The following ABCG1 variants were observed in gnomAD, a reference collection of about 807,000 sequenced individuals.
ABCG1 encodes ATP binding cassette subfamily G member 1.
Under a neutral mutation model 69.2 loss-of-function variants are expected in ABCG1, and 29 were observed. That is an observed-to-expected ratio of 0.42 (90% CI 0.31 to 0.57). The LOEUF is 0.57. Among genes scored for constraint, ABCG1 ranks in the 20% least tolerant of loss-of-function variants. The pLI is 0.15. For synonymous variants in ABCG1, 370 were observed against 374.8 expected (o/e 0.99, Z 0.15); for missense variants, 718 against 898.1 (o/e 0.80, Z 2.56).
chr21:42,201,522 C>G (rs116843238), intron 1 of ABCG1: 5 of 1,244,032 alleles, frequency 4.0e-6, no homozygotes, highest in Non-Finnish European at 5.5e-6. Context: ...GGTGAGCTAC[C>G]CTGAGTTAAT....
chr21:42,235,184 G>A (rs1017161990), intron 2 of ABCG1, among the ~76,000 whole-genome samples: 4 of 152,222 alleles, frequency 2.6e-5, no homozygotes, highest in African/African-American at 9.6e-5. Flanking sequence ...GGACCTGAGG[G>A]TGGAGGTGTT....
At chr21:42,237,648 G>A (rs1484306348) in intron 2 of ABCG1, among the ~76,000 whole-genome samples, 1 of 152,222 alleles carries the variant, frequency 6.6e-6, no homozygotes, top group Non-Finnish European at 1.5e-5. Flanking sequence ...AATCACAGTA[G>A]AAGAGCCTAT....
intron 2 of ABCG1, among the ~76,000 whole-genome samples, chr21:42,264,246 T>G (rs1204333682): frequency 6.6e-6 from 1 of 152,226 alleles, no homozygotes; most frequent in Non-Finnish European, 1.5e-5. Flanking sequence ...TGTCTCTGAA[T>G]CTCTAATGTT....
chr21:42,232,669 C>T (rs563754998), intron 2 of ABCG1, among the ~76,000 whole-genome samples: 1 of 152,218 alleles, frequency 6.6e-6, no homozygotes, highest in African/African-American at 2.4e-5. Flanking sequence ...TGGTGGGTGC[C>T]CCCCTGCCTT....
At chr21:42,229,474 C>G (rs899785182) in intron 2 of ABCG1, among the ~76,000 whole-genome samples, 1 of 152,084 alleles carries the variant, frequency 6.6e-6, no homozygotes, top group African/African-American at 2.4e-5. Context: ...AATCCCAGCA[C>G]TTTGGGAGGC....
chr21:42,260,003 C>T, intron 2 of ABCG1: 1 of 1,484,372 alleles, frequency 6.7e-7, no homozygotes, highest in Non-Finnish European at 9.1e-7. Context: ...GTGCGGCATC[C>T]TGCACGTGGT....
upstream of ABCG1, among the ~76,000 whole-genome samples, chr21:42,218,277 A>G (rs1445439914): frequency 1.3e-5 from 2 of 152,194 alleles, no homozygotes; most frequent in Non-Finnish European, 2.9e-5. Context: ...TTAGGGCCTG[A>G]GACTGGGAGT....
intron 2 of ABCG1, among the ~76,000 whole-genome samples, chr21:42,269,247 C>T (rs1413741625): frequency 2.6e-5 from 4 of 152,170 alleles, no homozygotes; most frequent in Non-Finnish European, 4.4e-5. Context: ...TTGGGGATAT[C>T]GCGTGGGTCC....
chr21:42,253,675 C>A (rs1211265696), intron 2 of ABCG1, among the ~76,000 whole-genome samples: 1 of 152,058 alleles, frequency 6.6e-6, no homozygotes, highest in Admixed American at 6.5e-5. Flanking sequence ...CTGACGTCAC[C>A]GTGCCACTGT....
chr21:42,226,417 C>G (rs2123525701), intron 2 of ABCG1, among the ~76,000 whole-genome samples: 1 of 152,296 alleles, frequency 6.6e-6, no homozygotes, highest in East Asian at 1.9e-4. Context: ...AGAAAGAAAA[C>G]TAAACTGTTG....
chr21:42,264,407 A>G (rs1022837003), intron 2 of ABCG1, among the ~76,000 whole-genome samples: 5 of 152,012 alleles, frequency 3.3e-5, no homozygotes, highest in African/African-American at 1.2e-4. Flanking sequence ...CCATCCATCC[A>G]TCCTTCCATC....
At chr21:42,249,891 G>A (rs1805640839) in intron 2 of ABCG1, among the ~76,000 whole-genome samples, 1 of 151,992 alleles carries the variant, frequency 6.6e-6, no homozygotes, top group Admixed American at 6.6e-5. Context: ...TGTAGTCCCA[G>A]CTACTTGGGA....
Position 42,259,997 on chromosome 21 carries a change from G to A in ABCG1, c.287-11073G>A, listed in dbSNP as rs8131089. On this transcript the variant is annotated intron_variant, in intron 2 of 14. Transcript: ENST00000398449. ...CCTCCTGGTTTCTTCAGGCCAGTGC[G>A]GCATCCTGCACGTGGTCAGTCCAAG... 3.1e-3 allele frequency: 4,618 copies of A among 1,480,882 alleles called. 124 individuals are homozygous for A. The African/African-American group carries it at 0.056, about 18-fold the overall frequency. 91.7% of individuals were successfully genotyped at this position (1,480,882 alleles called of 1,614,324 possible). A position where few individuals can be genotyped will look rare whatever the true frequency, so the allele number is the denominator to read the frequency against.
chr21:42,209,618 C>G (rs1027884892), intron 2 of ABCG1, among the ~76,000 whole-genome samples: 3 of 152,168 alleles, frequency 2.0e-5, no homozygotes, highest in African/African-American at 7.2e-5. Flanking sequence ...ACTTCCTTGT[C>G]AAACTGATGA....
chr21:42,284,744 C>A, intron 7 of ABCG1, 61 bp downstream of exon 7: 1 of 1,569,826 alleles, frequency 6.4e-7, no homozygotes, highest in Non-Finnish European at 8.6e-7. Context: ...GCCTGAATGA[C>A]ACCAAACCCT....
chr21:42,285,240 G>C (rs1601446458), intron 7 of ABCG1, among the ~76,000 whole-genome samples: 1 of 152,194 alleles, frequency 6.6e-6, no homozygotes, highest in Non-Finnish European at 1.5e-5. Flanking sequence ...GCTGTCCCCT[G>C]TAATCCCAGC....
intron 5 of ABCG1, among the ~76,000 whole-genome samples, chr21:42,280,251 G>A (rs981386701): frequency 4.6e-5 from 7 of 152,334 alleles, no homozygotes; most frequent in East Asian, 1.9e-4. Flanking sequence ...TCCAACCCCC[G>A]ATGTGCACCT....
At chr21:42,292,186 GC>G (rs1010281240) in intron 13 of ABCG1, among the ~76,000 whole-genome samples, 4 of 152,088 alleles carry the variant, frequency 2.6e-5, no homozygotes, top group African/African-American at 9.7e-5. Flanking sequence ...CTCGGCCTCA[GC>G]CTGTCCTTCT....
upstream of ABCG1, among the ~76,000 whole-genome samples, chr21:42,212,326 G>C (rs1015936931): frequency 7.9e-5 from 12 of 152,120 alleles, no homozygotes; most frequent in Non-Finnish European, 1.6e-4. Context: ...GGCTCAAAAG[G>C]CCTGGACTGC....
Sources: allele counts gnomAD v4.1 joint callset (sites outside exome capture counted in the v4.1 genomes callset), GRCh38; gene constraint gnomAD v4.1.1; transcripts MANE v1.5; gene names NCBI Gene and HGNC (gene_info 2026-07-23, HGNC 2026-07-21).